ZNF438: variants seen among roughly 807,000 people sequenced by gnomAD.
ZNF438 encodes the protein zinc finger protein 438.
A neutral mutation model predicts 38.0 loss-of-function variants in ZNF438; 25 were observed. The observed-to-expected ratio is 0.66, with a 90% CI of 0.48 to 0.92. The LOEUF (loss-of-function observed/expected upper bound fraction) is 0.92, where lower values mean the gene tolerates loss of function less well. Ranked by LOEUF, ZNF438 falls within the 40% of genes least tolerant of loss-of-function variation. ZNF438 has a pLI of 0.00. For missense variants in ZNF438, 1,007 were observed against 999.6 expected (o/e 1.01, Z -0.10); for synonymous variants, 372 against 364.1 (o/e 1.02, Z -0.25).
chr10:30,849,639 T>C, exon 5 of ZNF438: 1 of 1,614,212 alleles, frequency 6.2e-7, no homozygotes, highest in Non-Finnish European at 8.5e-7. Flanking sequence ...AATTTTTCAC[T>C]GGCAACAGCA....
chr10:31,019,031 T>C (rs975441698), intron 1 of ZNF438, among the ~76,000 whole-genome samples: 1 of 152,208 alleles, frequency 6.6e-6, no homozygotes, highest in Non-Finnish European at 1.5e-5. Flanking sequence ...TACATAGCCA[T>C]GTATCTGGCT....
intron 5 of ZNF438, among the ~76,000 whole-genome samples, chr10:30,846,531 C>T (rs972458662): frequency 6.6e-6 from 1 of 152,188 alleles, no homozygotes; most frequent in African/African-American, 2.4e-5. Flanking sequence ...GGCCCTGAGG[C>T]AGAGCTGGGC....
chr10:30,987,226 G>T (rs1416788278), intron 1 of ZNF438, among the ~76,000 whole-genome samples: 1 of 151,966 alleles, frequency 6.6e-6, no homozygotes, highest in African/African-American at 2.4e-5. Flanking sequence ...AGGACGAGAT[G>T]GGAGGATTGC....
At chr10:30,923,437 T>C (rs1421742699) in intron 2 of ZNF438, 1 of 152,226 alleles carries the variant, frequency 6.6e-6, no homozygotes, top group Admixed American at 6.5e-5. Flanking sequence ...ATTTTAGATT[T>C]TATAATTAAA....
intron 5 of ZNF438, 44 bp from the exon 7 acceptor site, chr10:30,845,617 T>C: frequency 6.4e-7 from 1 of 1,568,158 alleles, no homozygotes; most frequent in Non-Finnish European, 8.6e-7. Flanking sequence ...CATGGAAAAA[T>C]GCAATTGGAA....
At chr10:31,020,260 T>C (rs1191898237) in intron 1 of ZNF438, among the ~76,000 whole-genome samples, 1 of 152,198 alleles carries the variant, frequency 6.6e-6, no homozygotes, top group Admixed American at 6.5e-5. Context: ...TTAGAGTTTA[T>C]TCAAGCACAA....
chr10:30,894,034 G>A (rs1176133028), intron 3 of ZNF438, among the ~76,000 whole-genome samples: 1 of 152,042 alleles, frequency 6.6e-6, no homozygotes, highest in Non-Finnish European at 1.5e-5. Context: ...GTACATCAGA[G>A]GACTAGAACA....
chr10:30,933,232 G>T lies in ZNF438; in HGVS notation c.-115+8343C>A, dbSNP rs77558390. Among the ~76,000 whole-genome samples the T allele has an allele frequency of 3.8e-3, 576 of 152,268 alleles. 4 individuals carry two copies. The highest frequency in any genetic ancestry group is 0.013 in the African/African-American group (535 of 41,542). ...AAATTCTGTTCAAAGAAAAACAACA[G>T]CCAGGGGTGTTATAGGTTACAACCT... On this transcript the variant is annotated intron_variant, in intron 2 of 5. Coordinates refer to ENST00000413025, the Ensembl canonical transcript of ZNF438.
At chr10:30,890,947 A>C (rs1450733266) in intron 3 of ZNF438, among the ~76,000 whole-genome samples, 1 of 152,226 alleles carries the variant, frequency 6.6e-6, no homozygotes, top group East Asian at 1.9e-4. Flanking sequence ...TGGGTACGCA[A>C]TTCCAGGTTG....
chr10:30,906,487 AT>A (rs1204665204), intron 3 of ZNF438, among the ~76,000 whole-genome samples: 4 of 152,082 alleles, frequency 2.6e-5, no homozygotes, highest in African/African-American at 9.7e-5. Context: ...ATTCCTTAAG[AT>A]TTTTTTACAT....
chr10:31,030,459 T>C (rs1164018216), intron 1 of ZNF438, among the ~76,000 whole-genome samples: 2 of 152,208 alleles, frequency 1.3e-5, no homozygotes, highest in Non-Finnish European at 2.9e-5. Context: ...CTAATAACAA[T>C]AGCACACTTA....
intron 4 of ZNF438, among the ~76,000 whole-genome samples, chr10:30,855,094 A>G (rs1037588429): frequency 3.3e-5 from 5 of 152,224 alleles, no homozygotes; most frequent in African/African-American, 1.2e-4. Flanking sequence ...TTTGAAGTAA[A>G]TGTGCTTCAA....
At chr10:30,850,109 T>C (rs1393781168) in exon 5 of ZNF438, 4 of 1,614,138 alleles carry the variant, frequency 2.5e-6, no homozygotes, top group South Asian at 1.1e-5. Context: ...TGAGGCAACA[T>C]GTGGCAGAGC....
intron 1 of ZNF438, among the ~76,000 whole-genome samples, chr10:30,954,424 T>G (rs912407765): frequency 6.6e-6 from 1 of 152,212 alleles, no homozygotes; most frequent in Non-Finnish European, 1.5e-5. Flanking sequence ...TGGGGCCTAC[T>G]ACCAGTAAAG....
intron 1 of ZNF438, among the ~76,000 whole-genome samples, chr10:31,011,179 G>C (rs370877779): frequency 8.5e-5 from 13 of 152,288 alleles, no homozygotes; most frequent in African/African-American, 3.1e-4. Context: ...CATGGCCTGG[G>C]GTGATCCCAG....
chr10:30,877,248 G>T (rs2038569962), intron 3 of ZNF438, among the ~76,000 whole-genome samples, 183 bp from the exon 5 acceptor site: 2 of 152,064 alleles, frequency 1.3e-5, no homozygotes, highest in Admixed American at 1.3e-4. Flanking sequence ...CTACAAATAG[G>T]ATTTTATTGA....
chr10:31,013,313 C>A (rs749506302), intron 1 of ZNF438, among the ~76,000 whole-genome samples: 1 of 150,154 alleles, frequency 6.7e-6, no homozygotes, highest in South Asian at 2.1e-4. Context: ...AGCGAGACTC[C>A]GTCTCAAAAA....
At chr10:31,011,184 T>A (rs1366831437) in intron 1 of ZNF438, among the ~76,000 whole-genome samples, 4 of 152,142 alleles carry the variant, frequency 2.6e-5, no homozygotes, top group Admixed American at 6.5e-5. Flanking sequence ...CCTGGGGTGA[T>A]CCCAGGGATG....
chr10:30,960,309 T>C (rs1401887244), intron 1 of ZNF438, among the ~76,000 whole-genome samples: 2 of 147,272 alleles, frequency 1.4e-5, no homozygotes, highest in African/African-American at 2.4e-5. Flanking sequence ...TTTTATCTTA[T>C]GGCTCATGCT....
Sources: gnomAD v4.1 joint callset for allele counts (sites outside exome capture counted in the v4.1 genomes callset) on GRCh38, gnomAD v4.1.1 for gene constraint, MANE v1.5 for transcripts, NCBI Gene and HGNC (gene_info 2026-07-23, HGNC 2026-07-21) for gene names.